Variants in UBFD1 observed in about 807,000 individuals in gnomAD.
UBFD1 encodes the protein ubiquitin family domain containing 1, also known as ubiquitin domain-containing protein UBFD1.
UBFD1 carries 12 observed loss-of-function variants against 35.1 expected under a neutral mutation model. That is an observed-to-expected ratio of 0.34 (90% CI 0.22 to 0.55). The LOEUF is 0.55. Ranked by LOEUF, UBFD1 falls within the 20% of genes least tolerant of loss-of-function variation. The pLI is 0.89. For synonymous variants in UBFD1, 178 were observed against 167.6 expected, an observed-to-expected ratio of 1.06 and a Z score of -0.48; for missense variants, 337 against 410.8, an observed-to-expected ratio of 0.82 and a Z score of 1.55.
chr16:23,562,612 C>T lies in UBFD1; in HGVS notation c.631-13C>T, dbSNP rs1379142449. The T allele has an allele frequency of 5.0e-6, 8 of 1,612,614 alleles. No individual in the cohort carries two copies. The highest frequency in any genetic ancestry group is 5.9e-6 in the Non-Finnish European group (7 of 1,179,208). ...CTGTCCCTCCATCTCTTACCATTCT[C>T]TCGTGCCTTCAGGAGCGCCTGCCAA... On this transcript the variant is annotated splice_polypyrimidine_tract_variant and intron_variant, in intron 4 of 6. Transcript: ENST00000395878.
intron 5 of UBFD1, chr16:23,564,468 C>T (rs929783541): frequency 3.9e-5 from 6 of 152,236 alleles, no homozygotes; most frequent in Non-Finnish European, 5.9e-5. Flanking sequence ...TTTGAACCCT[C>T]TGCTAGATCA....
intron 5 of UBFD1, chr16:23,566,518 G>A (rs550317303): frequency 2.7e-4 from 41 of 153,616 alleles, no homozygotes; most frequent in African/African-American, 8.2e-4. Flanking sequence ...CCACCACCAC[G>A]CCTGGCTAAT....
chr16:23,562,513 C>T, intron 4 of UBFD1, 112 bp from the exon 5 acceptor site: 1 of 993,616 alleles, frequency 1.0e-6, no homozygotes, highest in Non-Finnish European at 1.5e-6. Flanking sequence ...GGTGATCTGA[C>T]CGCTTTGGCC....
chr16:23,567,947 T>C (rs1966032928), intron 6 of UBFD1, among the ~76,000 whole-genome samples: 1 of 152,242 alleles, frequency 6.6e-6, no homozygotes, highest in East Asian at 1.9e-4. Context: ...CAGAGAGATG[T>C]GTTGGAAGAT....
At chr16:23,565,381 C>T (rs1241379803) in intron 5 of UBFD1, 1 of 152,132 alleles carries the variant, frequency 6.6e-6, no homozygotes, top group Non-Finnish European at 1.5e-5. Flanking sequence ...GAGCATGTAC[C>T]CTGCTCGTAG....
In UBFD1 at chr16:23,566,968, G is replaced by A. The variant is rs1220776656; in HGVS notation, c.737-19G>A. The stretch of plus-strand genomic sequence containing the variant: ...CAGGAGGGCCCTTTGAATAATCACT[G>A]TAATCCCTCTCAACTTAGAGCGGAC... On this transcript the variant is annotated intron_variant, in intron 5 of 6. Transcript: ENST00000395878. 6.2e-7 allele frequency: 1 copy of A among 1,613,196 alleles called. No individual in the cohort carries two copies.
chr16:23,562,061 A>G (rs529093686), intron 3 of UBFD1, 145 bp from the exon 4 acceptor site: 22 of 700,486 alleles, frequency 3.1e-5, no homozygotes, highest in East Asian at 8.2e-5. Context: ...GCACTGTGCT[A>G]TAGTTTCAAA....
chr16:23,564,285 A>G (rs764480563), intron 5 of UBFD1, among the ~76,000 whole-genome samples: 1 of 152,224 alleles, frequency 6.6e-6, no homozygotes, highest in Admixed American at 6.5e-5. Flanking sequence ...ATCAGTGTTC[A>G]ACCCTATACT....
At chr16:23,562,364 C>A in intron 4 of UBFD1, 93 bp downstream of exon 4, 2 of 1,247,982 alleles carry the variant, frequency 1.6e-6, no homozygotes, top group Non-Finnish European at 2.2e-6. Flanking sequence ...TCTTTTTTCC[C>A]TGTTTTTTTT....
chr16:23,572,016 T>C lies in UBFD1; in HGVS notation c.*1426T>C, dbSNP rs1172145811. 1 of 152,698 alleles carries C rather than the reference T, an allele frequency of 6.5e-6. No homozygotes were observed. Among genetic ancestry groups the C allele is most frequent in the Non-Finnish European group, 1.5e-5 (1 of 68,056 alleles). The allele number at this position is 152,698 out of a possible 1,614,324, so 9.5% of individuals were successfully genotyped here. A position where few individuals can be genotyped will look rare whatever the true frequency, so the allele number is the denominator to read the frequency against. ...GAGAAATGTTCCAAACATCACATTT[T>C]GGATTCTAGGCTGTCACCCCTCATT... is the stretch of plus-strand genomic sequence containing the variant. On this transcript the variant is annotated 3_prime_UTR_variant, in exon 7 of 7. Transcript: ENST00000395878.
At chr16:23,565,860 C>T (rs1271525447) in intron 5 of UBFD1, 1 of 143,326 alleles carries the variant, frequency 7.0e-6, no homozygotes, top group African/African-American at 2.5e-5. Flanking sequence ...CCCCCCTCCC[C>T]CTGCGCCCCC....
intron 5 of UBFD1, chr16:23,566,041 GCC>G (rs2142218489): frequency 6.6e-6 from 1 of 152,212 alleles, no homozygotes; most frequent in Non-Finnish European, 1.5e-5. Flanking sequence ...CCTTAAACTC[GCC>G]TCAATGTCTT....
chr16:23,566,940 G>A, intron 5 of UBFD1, 47 bp from the exon 6 acceptor site: 1 of 1,589,294 alleles, frequency 6.3e-7, no homozygotes, highest in African/African-American at 1.3e-5. Flanking sequence ...AGAGAAGTTA[G>A]AACAGGAGGG....
At chr16:23,566,844 G>A (rs1052213886) in intron 5 of UBFD1, 143 bp from the exon 6 acceptor site, 5 of 720,336 alleles carry the variant, frequency 6.9e-6, no homozygotes, top group South Asian at 3.5e-5. Context: ...AGACCCTGTC[G>A]TGTTGTCCCC....
intron 5 of UBFD1, chr16:23,566,776 C>G: frequency 2.0e-6 from 1 of 504,438 alleles, no homozygotes; most frequent in Admixed American, 3.6e-5. Context: ...ACCCAGTTTC[C>G]CACTTGCTCC....
chr16:23,567,114 C>T, intron 6 of UBFD1, 45 bp downstream of exon 6: 1 of 1,561,062 alleles, frequency 6.4e-7, no homozygotes, highest in Non-Finnish European at 8.8e-7. Flanking sequence ...TAGACTCCCA[C>T]TTCACCTGGC....
intron 2 of UBFD1, 138 bp downstream of exon 2, chr16:23,558,417 C>A: frequency 2.7e-6 from 3 of 1,102,008 alleles, no homozygotes; most frequent in Non-Finnish European, 3.7e-6. Flanking sequence ...TACTTGGATG[C>A]CCATTACTCA....
At chr16:23,568,956 G>A (rs1966048579) in intron 6 of UBFD1, 1 of 152,192 alleles carries the variant, frequency 6.6e-6, no homozygotes, top group Non-Finnish European at 1.5e-5. Context: ...GACTTTTCAA[G>A]CAGTGTGGTG....
chr16:23,562,364 C>G, intron 4 of UBFD1, 93 bp downstream of exon 4: 2 of 1,247,988 alleles, frequency 1.6e-6, no homozygotes, highest in Non-Finnish European at 2.2e-6. Context: ...TCTTTTTTCC[C>G]TGTTTTTTTT....
Sources: gnomAD v4.1 joint callset for allele counts (sites outside exome capture counted in the v4.1 genomes callset) on GRCh38, gnomAD v4.1.1 for gene constraint, MANE v1.5 for transcripts, NCBI Gene and HGNC (gene_info 2026-07-23, HGNC 2026-07-21) for gene names.